The following BCCIP variants were observed in gnomAD, a reference collection of about 807,000 sequenced individuals.
BCCIP encodes the protein BRCA2 and CDKN1A interacting protein.
A neutral mutation model predicts 32.8 loss-of-function variants in BCCIP; 23 were observed. That is an observed-to-expected ratio of 0.70 (90% CI 0.51 to 0.99). BCCIP has a LOEUF of 0.99. Among genes scored for constraint, BCCIP ranks in the 50% least tolerant of loss-of-function variants. The pLI, the probability that BCCIP is intolerant of heterozygous loss-of-function variation, is 0.00. For missense variants in BCCIP, 378 were observed against 379.8 expected, an observed-to-expected ratio of 1.00 and a Z score of 0.04; for synonymous variants, 144 against 137.6, an observed-to-expected ratio of 1.05 and a Z score of -0.33.
intron 6 of BCCIP, 134 bp downstream of exon 6, chr10:125,834,080 G>T: frequency 1.0e-6 from 1 of 957,878 alleles, no homozygotes. Flanking sequence ...TTTCCCCACA[G>T]GACCTAGCAG....
At chr10:125,836,003 A>T (rs1854670301) in intron 6 of BCCIP, 101 bp from the exon 7 acceptor site, 1 of 1,075,996 alleles carries the variant, frequency 9.3e-7, no homozygotes, top group Non-Finnish European at 1.4e-6. Flanking sequence ...TCTCATTCTT[A>T]TTTAAGCATA....
downstream of BCCIP, among the ~76,000 whole-genome samples, chr10:125,837,666 C>G (rs1015352633): frequency 1.3e-5 from 2 of 152,198 alleles, no homozygotes. Flanking sequence ...CTCAAGCCAT[C>G]TTCCTCCTGC....
At chr10:125,843,949 C>G (rs1392532721), downstream of BCCIP, among the ~76,000 whole-genome samples, 1 of 152,146 alleles carries the variant, frequency 6.6e-6, no homozygotes, top group African/African-American at 2.4e-5. Context: ...GTTGAATTTC[C>G]CTATTCTGAA....
At chr10:125,842,824 ATTTC>A (rs1185402013), downstream of BCCIP, 1 of 938,304 alleles carries the variant, frequency 1.1e-6, no homozygotes, top group Non-Finnish European at 1.3e-6. Context: ...CCATCTCTTT[ATTTC>A]TTTTAAGTTT....
Position 125,836,551 on chromosome 10 carries a change from A to G in BCCIP, c.*277A>G. ...AACTTCTATTTTTTATTTTAAAATA[A>G]TATACACAGTGTTATTTTCTTCAAG... is the stretch of plus-strand genomic sequence containing the variant. On this transcript the variant is annotated 3_prime_UTR_variant, in exon 7 of 7. Transcript: ENST00000278100. The G allele has an allele frequency of 7.5e-7, 1 of 1,341,566 alleles. No individual in the cohort carries two copies. The highest frequency in any genetic ancestry group is 1.7e-5 in the South Asian group (1 of 58,568). 83.1% of individuals were successfully genotyped at this position (1,341,566 alleles called of 1,614,324 possible). A position where few individuals can be genotyped will look rare whatever the true frequency, so the allele number is the denominator to read the frequency against.
chr10:125,827,092 A>C (rs539185478), intron 2 of BCCIP, among the ~76,000 whole-genome samples: 17 of 151,806 alleles, frequency 1.1e-4, no homozygotes, highest in Non-Finnish European at 2.5e-4. Context: ...CCTGGAAGGA[A>C]GAATTATTTC....
chr10:125,824,345 T>C (rs1376699466), intron 1 of BCCIP, among the ~76,000 whole-genome samples: 4 of 152,242 alleles, frequency 2.6e-5, no homozygotes, highest in African/African-American at 9.6e-5. Context: ...TAGGTACTTA[T>C]TATTTGTTTA....
At chr10:125,843,591 G>A (rs992028570), downstream of BCCIP, among the ~76,000 whole-genome samples, 11 of 151,390 alleles carry the variant, frequency 7.3e-5, no homozygotes, top group East Asian at 1.9e-4. Flanking sequence ...CAGCCTGGGC[G>A]ACAGAGCGAG....
At chr10:125,849,741 T>G (rs1397670563) in intron 7 of BCCIP, among the ~76,000 whole-genome samples, 1 of 152,210 alleles carries the variant, frequency 6.6e-6, no homozygotes, top group Non-Finnish European at 1.5e-5. Flanking sequence ...AAATGTTATA[T>G]ATAGTATAGT....
downstream of BCCIP, among the ~76,000 whole-genome samples, chr10:125,843,272 C>A (rs1426820376): frequency 6.6e-6 from 1 of 152,038 alleles, no homozygotes; most frequent in Non-Finnish European, 1.5e-5. Context: ...TTCAAAGTAA[C>A]ATATGGTAAA....
At chr10:125,843,805 G>A (rs139253125), downstream of BCCIP, among the ~76,000 whole-genome samples, 65 of 152,250 alleles carry the variant, frequency 4.3e-4, no homozygotes, top group East Asian at 8.1e-3. Context: ...AGCCTGACGC[G>A]CCCACCACAG....
At chr10:125,847,872 G>A (rs990030124) in intron 7 of BCCIP, among the ~76,000 whole-genome samples, 4 of 152,028 alleles carry the variant, frequency 2.6e-5, no homozygotes, top group South Asian at 2.1e-4. Context: ...GAGCTCCTAC[G>A]AGAATCCAGT....
downstream of BCCIP, among the ~76,000 whole-genome samples, chr10:125,847,096 G>A (rs566477930): frequency 1.2e-3 from 182 of 151,938 alleles, no homozygotes; most frequent in Non-Finnish European, 2.3e-3. Flanking sequence ...GTCCACAGGG[G>A]GAGACTCTAC....
At position 125,826,349 on chromosome 10, in the gene BCCIP, A is replaced by C. The variant is rs555590409; in HGVS notation, c.166-242A>C. On this transcript the variant is annotated intron_variant, in intron 1 of 6. Coordinates refer to ENST00000278100, the MANE Select transcript of BCCIP (RefSeq NM_078468.3). ...GATTTTGATTTTTGCCCACCCTTGT[A>C]ATCAGGAAAATAATTTATCCTTTGT... is the stretch of plus-strand genomic sequence containing the variant. 3.0e-4 allele frequency: 160 copies of C among 524,604 alleles called. 4 individuals are homozygous for C. In the South Asian group the frequency reaches 3.6e-3, roughly 12 times the overall value. The allele number at this position is 524,604 out of a possible 1,614,324, so 32.5% of individuals were successfully genotyped here.
intron 2 of BCCIP, among the ~76,000 whole-genome samples, chr10:125,827,352 T>G (rs1192246911): frequency 6.6e-6 from 1 of 152,182 alleles, no homozygotes; most frequent in Non-Finnish European, 1.5e-5. Flanking sequence ...ATTACTTCTA[T>G]ATTACTACTG....
At chr10:125,823,811 C>T (rs1337568588) in intron 1 of BCCIP, 89 bp downstream of exon 1, 2 of 1,536,618 alleles carry the variant, frequency 1.3e-6, no homozygotes, top group African/African-American at 2.8e-5. Flanking sequence ...TAGGGTCTTC[C>T]CTGACCCTGA....
In BCCIP at chr10:125,833,955, A is replaced by C. The variant is rs953528649; in HGVS notation, c.774+9A>C. 6.2e-7 allele frequency: 1 copy of C among 1,612,434 alleles called. No homozygotes were observed. Among genetic ancestry groups the C allele is most frequent in the Admixed American group, 1.7e-5 (1 of 59,868 alleles). On this transcript the variant is annotated intron_variant, in intron 6 of 6. Transcript: ENST00000278100. ...AAGAATTTTTCTATGAGGTAAGACT[A>C]TCCTGCTTATTTGTTTAGATGTAAA...
rs1047384701 is a variant in BCCIP, at chr10:125,849,602, ACT to A, written c.851-3518_851-3517del. On this transcript the variant is annotated intron_variant, in intron 7 of 7. Coordinates refer to the BCCIP transcript ENST00000368759. Reference sequence around the variant, plus strand: ...ACAGTCATGCTAGAATATTTGCTCGACTCTCTGGGCTGTTTGGGCAGTGCCAG... The same window carrying A: ...ACAGTCATGCTAGAATATTTGCTCGACTCTGGGCTGTTTGGGCAGTGCCAG... Among the ~76,000 whole-genome samples the A allele has an allele frequency of 1.4e-4, 21 of 151,566 alleles. 1 individual carries two copies. Among genetic ancestry groups the A allele is most frequent in the Admixed American group, 4.6e-4 (7 of 15,210 alleles).
downstream of BCCIP, chr10:125,840,823 G>A: frequency 6.4e-7 from 1 of 1,550,590 alleles, no homozygotes; most frequent in Non-Finnish European, 8.7e-7. Context: ...GGAATTAATA[G>A]GTAGTTTCTG....
Sources: allele counts gnomAD v4.1 joint callset (sites outside exome capture counted in the v4.1 genomes callset), GRCh38; gene constraint gnomAD v4.1.1; transcripts MANE v1.5; gene names NCBI Gene and HGNC (gene_info 2026-07-23, HGNC 2026-07-21).